Variants in TPCN2 observed in about 807,000 individuals in gnomAD.
TPCN2 encodes two pore channel protein 2.
A neutral mutation model predicts 111.4 loss-of-function variants in TPCN2; 92 were observed. That is an observed-to-expected ratio of 0.83 (90% confidence interval 0.70 to 0.98). The LOEUF is 0.98. Among genes scored for constraint, TPCN2 ranks in the 50% least tolerant of loss-of-function variants. The pLI, the probability that TPCN2 is intolerant of heterozygous loss-of-function variation, is 0.00. For missense variants in TPCN2, 995 were observed against 980.1 expected (o/e 1.02, Z -0.20); for synonymous variants, 405 against 414.5 (o/e 0.98, Z 0.28).
rs1365705799 is a variant in TPCN2 at position 69,078,906 on chromosome 11, C to T, written c.1425C>T (p.Val475=). 1.2e-6 allele frequency: 2 copies of T among 1,613,962 alleles called. No homozygotes were observed. Among genetic ancestry groups the T allele is most frequent in the Non-Finnish European group, 8.5e-7 (1 of 1,179,992 alleles). The part of the protein sequence containing the change: ...DDFILGILNC[V]FIVYYLLEML... ...GCCCCTTTCAGATTCTCAACTGCGT[C>T]TTCATTGTGTACTACCTGTTGGAGA... The change falls in exon 16 of 25, where the codon GTC becomes GTT. Residue 475 remains valine (V), a synonymous_variant. Coordinates refer to ENST00000294309, the MANE Select transcript of TPCN2 (RefSeq NM_139075.4).
chr11:69,066,097 T>C lies in TPCN2; in HGVS notation c.727-1406T>C, dbSNP rs189122876. On this transcript the variant is annotated intron_variant, in intron 7 of 24. Coordinates refer to ENST00000294309, the MANE Select transcript of TPCN2 (RefSeq NM_139075.4). ...ATGGACCTCAGCGTCTGTTAGGTGG[T>C]GTGCCTCAGCTGGCTCGAAGCCTGG... Among the ~76,000 whole-genome samples, 308 of 152,060 alleles carry C rather than the reference T, an allele frequency of 2.0e-3. 5 individuals carry two copies. Among genetic ancestry groups the C allele is most frequent in the Admixed American group, 0.017 (263 of 15,282 alleles).
Position 69,062,941 on chromosome 11 carries a change from A to G in TPCN2, c.604A>G (p.Met202Val). The change falls in exon 6 of 25, where the codon ATG (methionine) becomes GTG (valine). Residue 202 changes from methionine (M) to valine (V), a missense_variant. By Grantham distance (21) the Met-to-Val change is conservative (BLOSUM62 1). Coordinates refer to ENST00000294309, the MANE Select transcript of TPCN2 (RefSeq NM_139075.4). ...PFFLLQNSSMMKKTLKCIRWS... is the reference protein window; with the variant it reads ...PFFLLQNSSMVKKTLKCIRWS... ...CTTCCTGCTGCAGAACTCCTCTATG[A>G]TGAAGAAGACCTTGAAATGCATCCG... is the stretch of plus-strand genomic sequence containing the variant. 6.2e-7 allele frequency: 1 copy of G among 1,613,938 alleles called. No homozygotes were observed. Among genetic ancestry groups the G allele is most frequent in the African/African-American group, 1.3e-5 (1 of 75,034 alleles).
chr11:69,059,918 G>A (rs1481693015), intron 5 of TPCN2, among the ~76,000 whole-genome samples: 1 of 152,244 alleles, frequency 6.6e-6, no homozygotes, highest in Non-Finnish European at 1.5e-5. Context: ...CGTGTCTGTC[G>A]TGGTGGTTGC....
Position 69,072,651 on chromosome 11 carries a change from G to T in TPCN2, c.1086G>T (p.Leu362Phe). The T allele has an allele frequency of 6.2e-7, 1 of 1,613,938 alleles. No individual in the cohort carries two copies. Among genetic ancestry groups the T allele is most frequent in the East Asian group, 2.2e-5 (1 of 44,884 alleles). Residue 362 changes from leucine to phenylalanine, a missense_variant, in exon 12 of 25, where the codon TTG becomes TTT. By Grantham distance (22) the Leu-to-Phe change is conservative. Transcript: ENST00000294309. Reference protein sequence around the residue: ...PQAVGVKPQNLLQVLQKVQLD... With the variant: ...PQAVGVKPQNFLQVLQKVQLD... ...GAGTTGGGGTGAAGCCCCAGAACTT[G>T]CTGCAGGTGCTTCAGAAGGTCCAGC... is the stretch of plus-strand genomic sequence containing the variant.
intron 7 of TPCN2, among the ~76,000 whole-genome samples, chr11:69,067,129 C>T (rs185891298): frequency 2.0e-5 from 3 of 152,350 alleles, no homozygotes; most frequent in East Asian, 3.9e-4. Flanking sequence ...GGCCCCTCTG[C>T]TCCTCCTGCC....
rs572278006 is a variant in TPCN2, at chr11:69,058,858, G to A, written c.546+1164G>A. Among the ~76,000 whole-genome samples the A allele has an allele frequency of 2.6e-5, 4 of 152,384 alleles. 1 individual carries two copies. The highest frequency in any genetic ancestry group is 4.1e-4 in the South Asian group (2 of 4,834). ...ATAGCCCTCCCACCGCCATTTCTGA[G>A]TTACGGTTGTGGCAGCTGTATCATG... On this transcript the variant is annotated intron_variant, in intron 5 of 24. Coordinates refer to ENST00000294309, the MANE Select transcript of TPCN2 (RefSeq NM_139075.4).
In TPCN2 at chr11:69,062,847, A is replaced by C. The variant is rs201147552; in HGVS notation, c.547-37A>C. 3.8e-6 allele frequency: 6 copies of C among 1,595,622 alleles called. No individual in the cohort carries two copies. In the African/African-American group the frequency reaches 8.0e-5, roughly 21 times the overall value. On this transcript the variant is annotated intron_variant, in intron 5 of 24. Transcript: ENST00000294309. ...TGGTCGGTGAGGGGTAGAACTAAGC[A>C]CTTGACGTGGTCCTCAGTTTCCTGG...
At chr11:69,085,410 G>T in intron 20 of TPCN2, 124 bp downstream of exon 20, 1 of 992,638 alleles carries the variant, frequency 1.0e-6, no homozygotes, top group Non-Finnish European at 1.6e-6. Flanking sequence ...CAGTTCCTTC[G>T]TCTCCTCCCT....
intron 7 of TPCN2, among the ~76,000 whole-genome samples, chr11:69,065,157 T>G (rs575862204): frequency 1.9e-4 from 29 of 152,212 alleles, no homozygotes; most frequent in Middle Eastern, 3.4e-3. Flanking sequence ...TGTGTGTATG[T>G]GTGTGTTTGT....
Position 69,078,465 on chromosome 11 carries a change from G to T in TPCN2, c.1231-17G>T. On this transcript the variant is annotated splice_polypyrimidine_tract_variant and intron_variant, in intron 13 of 24. Transcript: ENST00000294309. Reference sequence around the variant, plus strand: ...GCTGCTGGCCTGTGCTTCTGAGCACGTGTGTTCCTTGCCCAGCACCCGCCG... The same window carrying T: ...GCTGCTGGCCTGTGCTTCTGAGCACTTGTGTTCCTTGCCCAGCACCCGCCG... 3 of 1,613,814 alleles carry T rather than the reference G, an allele frequency of 1.9e-6. No individual in the cohort carries two copies. Among genetic ancestry groups the T allele is most frequent in the Non-Finnish European group, 2.5e-6 (3 of 1,180,012 alleles).
intron 10 of TPCN2, 61 bp from the exon 11 acceptor site, chr11:69,071,862 G>A (rs995977683): frequency 4.0e-6 from 6 of 1,495,094 alleles, no homozygotes; most frequent in Non-Finnish European, 5.6e-6. Context: ...GGGAGGGAAG[G>A]GTCGGGGGTT....
chr11:69,085,327 G>A (rs1303509165), intron 20 of TPCN2, 41 bp downstream of exon 20: 2 of 1,439,024 alleles, frequency 1.4e-6, no homozygotes, highest in Non-Finnish European at 2.0e-6. Context: ...TGTCTCAGGG[G>A]TGCTGGGGTG....
At position 69,062,923 on chromosome 11, in the gene TPCN2, C is replaced by A; in HGVS notation, c.586C>A (p.Leu196Met). ...CCGGCTTCTCCGTCCCTTCTTCCTG[C>A]TGCAGAACTCCTCTATGATGAAGAA... ...IRRLLRPFFL[L>M]QNSSMMKKTL... is the part of the protein sequence containing the mutation. The change falls in exon 6 of 25, where the codon CTG becomes ATG. Residue 196 changes from leucine (L) to methionine (M), a missense_variant. By Grantham distance (15) the Leu-to-Met change is conservative (BLOSUM62 2). Coordinates refer to ENST00000294309, the MANE Select transcript of TPCN2 (RefSeq NM_139075.4). 1 of 1,614,056 alleles carries A rather than the reference C, an allele frequency of 6.2e-7. No individual in the cohort carries two copies. Among genetic ancestry groups the A allele is most frequent in the Non-Finnish European group, 8.5e-7 (1 of 1,179,930 alleles).
intron 19 of TPCN2, among the ~76,000 whole-genome samples, chr11:69,084,478 C>A (rs1000092536): frequency 6.6e-6 from 1 of 152,326 alleles, no homozygotes; most frequent in East Asian, 1.9e-4. Context: ...AACTGTGGGA[C>A]GCCCCGGCCC....
At chr11:69,078,428 G>T in intron 13 of TPCN2, 54 bp from the exon 14 acceptor site, 1 of 1,601,698 alleles carries the variant, frequency 6.2e-7, no homozygotes, top group Non-Finnish European at 8.5e-7. Context: ...TTTTTGGGCT[G>T]CAACAGCCAC....
chr11:69,062,002 A>G (rs960115897), intron 5 of TPCN2, among the ~76,000 whole-genome samples: 6 of 151,868 alleles, frequency 4.0e-5, no homozygotes, highest in African/African-American at 1.2e-4. Flanking sequence ...GAGGCTGGGT[A>G]TTAATAGAGA....
chr11:69,081,376 C>T, intron 17 of TPCN2, 24 bp from the exon 18 acceptor site: 2 of 1,518,862 alleles, frequency 1.3e-6, no homozygotes, highest in Non-Finnish European at 1.8e-6. Flanking sequence ...CTCCTCCCAA[C>T]CCGCCTCCCG....
intron 13 of TPCN2, among the ~76,000 whole-genome samples, chr11:69,077,488 C>T (rs1253708805): frequency 1.3e-5 from 2 of 152,164 alleles, no homozygotes; most frequent in Non-Finnish European, 2.9e-5. Context: ...GAGTGCGTAT[C>T]GAGGAGGATG....
At position 69,072,042 on chromosome 11, in the gene TPCN2, C is replaced by T; in HGVS notation, c.1061+19C>T. 1 of 1,594,770 alleles carries T rather than the reference C, an allele frequency of 6.3e-7. No homozygotes were observed. Among genetic ancestry groups the T allele is most frequent in the Non-Finnish European group, 8.6e-7 (1 of 1,164,740 alleles). ...CTCAGGCGTGAGTGCTGGGCATGGA[C>T]CCTCTTCTCCCTGAGGGTGGGTGCT... On this transcript the variant is annotated intron_variant, in intron 11 of 24. Transcript: ENST00000294309.
Sources: allele counts gnomAD v4.1 joint callset (sites outside exome capture counted in the v4.1 genomes callset), GRCh38; gene constraint gnomAD v4.1.1; transcripts MANE v1.5; gene names NCBI Gene and HGNC (gene_info 2026-07-23, HGNC 2026-07-21).